Variants in RNF125 observed in about 807,000 individuals in gnomAD.
RNF125 encodes E3 ubiquitin-protein ligase RNF125.
A neutral mutation model predicts 26.0 loss-of-function variants in RNF125; 21 were observed. The ratio of observed to expected loss-of-function variants is 0.81; its 90% confidence interval spans 0.57 to 1.16. The LOEUF (loss-of-function observed/expected upper bound fraction) is 1.16, where lower values mean the gene tolerates loss of function less well. Among genes scored for constraint, RNF125 ranks in the 50% most tolerant of loss-of-function variants. RNF125 has a pLI of 0.00. For synonymous variants in RNF125, 95 were observed against 109.2 expected (o/e 0.87, Z 0.81); for missense variants, 270 against 299.4 (o/e 0.90, Z 0.72).
intron 1 of RNF125, among the ~76,000 whole-genome samples, chr18:32,024,611 T>C (rs902280347): frequency 6.6e-6 from 1 of 151,840 alleles, no homozygotes; most frequent in Non-Finnish European, 1.5e-5. Flanking sequence ...CTGCTAAAAT[T>C]TTATTTTTTT....
rs79205763 is a variant in RNF125, at chr18:32,045,717, G to A, written c.489G>A (p.Ser163=). Residue 163 remains serine, a synonymous_variant, in exon 4 of 6, where the codon TCG becomes TCA. Transcript: ENST00000217740. ...ATCATTGTATTACTCATCACAGATCGGAACGGAGGCCTGTGGTAAGGATTT... is the reference window on the plus strand; with the variant it reads ...ATCATTGTATTACTCATCACAGATCAGAACGGAGGCCTGTGGTAAGGATTT... ...LLDHCITHHR[S]ERRPVFCPLC... 1,956 of 1,611,658 alleles carry A rather than the reference G, an allele frequency of 1.2e-3. 24 individuals carry two copies. The African/African-American group carries it at 0.023, about 19-fold the overall frequency.
At chr18:32,040,432 C>T (rs1008764854) in intron 2 of RNF125, among the ~76,000 whole-genome samples, 3 of 152,018 alleles carry the variant, frequency 2.0e-5, no homozygotes, top group Non-Finnish European at 2.9e-5. Flanking sequence ...CCACCACACC[C>T]GGCTAATTTT....
the RNF125 span, among the ~76,000 whole-genome samples, chr18:32,088,970 A>G: frequency 1.3e-5 from 2 of 152,198 alleles, no homozygotes; most frequent in African/African-American, 4.8e-5. Flanking sequence ...ATGGCCTTAC[A>G]GGCTGTTCAG....
downstream of RNF125, among the ~76,000 whole-genome samples, chr18:32,073,830 T>G (rs1274298042): frequency 2.0e-5 from 3 of 152,210 alleles, no homozygotes; most frequent in East Asian, 5.8e-4. Flanking sequence ...AAGATTTACC[T>G]TCATCATTTA....
intron 1 of RNF125, among the ~76,000 whole-genome samples, 199 bp from the exon 2 acceptor site, chr18:32,036,917 A>G (rs2039161250): frequency 6.6e-6 from 1 of 152,086 alleles, no homozygotes; most frequent in African/African-American, 2.4e-5. Flanking sequence ...ATGTGGTAAG[A>G]ATGTGTGATT....
chr18:32,037,972 A>T lies in RNF125; in HGVS notation c.318+703A>T, dbSNP rs561337341. Among the ~76,000 whole-genome samples the T allele has an allele frequency of 2.0e-5, 3 of 151,162 alleles. No homozygotes were observed. In the East Asian group the frequency reaches 5.9e-4, roughly 30 times the overall value. ...TGACAACCGGCTTGGGTCCCCTTCC[A>T]TGTTGTGGGAGCTTTGTCCTTTTGC... On this transcript the variant is annotated intron_variant, in intron 2 of 5. Coordinates refer to ENST00000217740, the MANE Select transcript of RNF125 (RefSeq NM_017831.4).
At chr18:32,022,458 G>A (rs1390407503) in intron 1 of RNF125, among the ~76,000 whole-genome samples, 1 of 152,126 alleles carries the variant, frequency 6.6e-6, no homozygotes, top group African/African-American at 2.4e-5. Context: ...AGATTAACAA[G>A]GGGGGAAAAG....
intron 5 of RNF125, among the ~76,000 whole-genome samples, chr18:32,066,504 C>T (rs1429565371): frequency 2.6e-5 from 4 of 151,514 alleles, no homozygotes; most frequent in Admixed American, 2.0e-4. Flanking sequence ...AATTTAATAA[C>T]GATTGAAGAT....
the RNF125 span, among the ~76,000 whole-genome samples, chr18:32,079,197 T>C: frequency 6.6e-6 from 1 of 152,160 alleles, no homozygotes; most frequent in African/African-American, 2.4e-5. Flanking sequence ...GACAGCCGAC[T>C]TCTCACTGCG....
downstream of RNF125, among the ~76,000 whole-genome samples, chr18:32,075,597 G>A (rs1442310740): frequency 1.3e-5 from 2 of 149,634 alleles, no homozygotes; most frequent in Non-Finnish European, 3.0e-5. Flanking sequence ...GGAGGCTGAG[G>A]CAGGAAAATT....
chr18:32,021,246 A>ATT, intron 1 of RNF125, among the ~76,000 whole-genome samples: 1 of 152,148 alleles, frequency 6.6e-6, no homozygotes, highest in South Asian at 2.1e-4. Context: ...CGCCCGGCTA[A>ATT]TTTTTTTGTA....
rs1044716661 is a variant in RNF125, at chr18:32,069,995, G to A, written c.*1611G>A. ...CTTTGGCAAGACTGTAAATCACGGT[G>A]TCTTTCTTTCCTTCCTCCTTCTTCT... is the stretch of plus-strand genomic sequence containing the variant. On this transcript the variant is annotated 3_prime_UTR_variant, in exon 6 of 6. Transcript: ENST00000217740. The A allele has an allele frequency of 6.6e-6, 1 of 151,642 alleles. No individual in the cohort carries two copies. Among genetic ancestry groups the A allele is most frequent in the African/African-American group, 2.4e-5 (1 of 41,260 alleles). 9.4% of individuals were successfully genotyped at this position (151,642 alleles called of 1,614,324 possible). A position where few individuals can be genotyped will look rare whatever the true frequency, so the allele number is the denominator to read the frequency against.
intron 1 of RNF125, among the ~76,000 whole-genome samples, chr18:32,035,839 A>T (rs1211393098): frequency 2.0e-5 from 3 of 152,192 alleles, no homozygotes; most frequent in Admixed American, 6.5e-5. Context: ...AAAGTCAGTG[A>T]TTACTTTGGA....
chr18:32,023,128 C>T (rs941124594), intron 1 of RNF125, among the ~76,000 whole-genome samples: 2 of 151,924 alleles, frequency 1.3e-5, no homozygotes, highest in African/African-American at 4.8e-5. Flanking sequence ...ACTATAAGTG[C>T]CTGCCACCAT....
At chr18:32,065,574 G>A (rs113263559) in intron 4 of RNF125, among the ~76,000 whole-genome samples, 116 of 151,852 alleles carry the variant, frequency 7.6e-4, no homozygotes, top group African/African-American at 2.5e-3. Context: ...TTGCTCTGTC[G>A]CCAGGCTGGA....
At chr18:32,041,872 C>T (rs575509069) in intron 2 of RNF125, 92 of 232,748 alleles carry the variant, frequency 4.0e-4, no homozygotes, top group East Asian at 2.5e-3. Context: ...CCTCGTGATC[C>T]GCCCGCCTCG....
At chr18:32,055,849 C>G (rs2039375592) in intron 4 of RNF125, among the ~76,000 whole-genome samples, 1 of 151,760 alleles carries the variant, frequency 6.6e-6, no homozygotes, top group South Asian at 2.1e-4. Flanking sequence ...TGTGGTGGCG[C>G]ATGCCTGTAA....
At chr18:32,036,306 A>C (rs2144461188) in intron 1 of RNF125, among the ~76,000 whole-genome samples, 1 of 152,080 alleles carries the variant, frequency 6.6e-6, no homozygotes, top group South Asian at 2.1e-4. Flanking sequence ...TGTACAGTAT[A>C]CTTAAAATTT....
chr18:32,063,582 A>G (rs910309544), intron 4 of RNF125, among the ~76,000 whole-genome samples: 11 of 152,218 alleles, frequency 7.2e-5, no homozygotes, highest in African/African-American at 2.4e-4. Flanking sequence ...AATTTATCCT[A>G]GAGAAATGAA....
Sources: allele counts gnomAD v4.1 joint callset (sites outside exome capture counted in the v4.1 genomes callset), GRCh38; gene constraint gnomAD v4.1.1; transcripts MANE v1.5; gene names NCBI Gene and HGNC (gene_info 2026-07-23, HGNC 2026-07-21).